SEPTIN9: variants seen among roughly 807,000 people sequenced by gnomAD.
The protein encoded by SEPTIN9 is septin 9, also known as septin-9.
A neutral mutation model predicts 56.6 loss-of-function variants in SEPTIN9; 13 were observed. The ratio of observed to expected loss-of-function variants is 0.23; its 90% CI spans 0.15 to 0.37. The LOEUF (loss-of-function observed/expected upper bound fraction) is 0.37, where lower values mean the gene tolerates loss of function less well. Among genes scored for constraint, SEPTIN9 ranks in the 10% least tolerant of loss-of-function variants. The pLI is 1.00. For synonymous variants in SEPTIN9, 332 were observed against 334.1 expected, an observed-to-expected ratio of 0.99 and a Z score of 0.07; for missense variants, 650 against 823.1, an observed-to-expected ratio of 0.79 and a Z score of 2.57.
chr17:77,322,778 C>G (rs560192558), intron 2 of SEPTIN9: 4 of 152,528 alleles, frequency 2.6e-5, no homozygotes, highest in South Asian at 4.1e-4. Context: ...AGGGGCTCTT[C>G]TTCTCTGCAG....
chr17:77,357,204 T>C (rs908789589), intron 2 of SEPTIN9, among the ~76,000 whole-genome samples: 5 of 152,066 alleles, frequency 3.3e-5, no homozygotes, highest in African/African-American at 7.3e-5. Flanking sequence ...CAAGGGGGCT[T>C]GAAGACACAT....
chr17:77,491,584 G>A (rs75712149), intron 8 of SEPTIN9, among the ~76,000 whole-genome samples: 1,633 of 151,392 alleles, frequency 0.011, 12 homozygotes, highest in South Asian at 0.035. Context: ...AGGCCGAGGC[G>A]GGCAGATCAC....
At chr17:77,413,562 C>T (rs1375077538) in intron 3 of SEPTIN9, among the ~76,000 whole-genome samples, 3 of 152,164 alleles carry the variant, frequency 2.0e-5, no homozygotes, top group Non-Finnish European at 4.4e-5. Context: ...TGGGATGCTC[C>T]ATGTTGAGGC....
At chr17:77,291,714 G>A (rs574771452) in intron 1 of SEPTIN9, among the ~76,000 whole-genome samples, 39 of 152,284 alleles carry the variant, frequency 2.6e-4, no homozygotes, top group South Asian at 8.3e-4. Context: ...CCAGCCTCAA[G>A]CGATCCTCCT....
chr17:77,387,965 C>A (rs1403759209), intron 2 of SEPTIN9, among the ~76,000 whole-genome samples: 1 of 147,704 alleles, frequency 6.8e-6, no homozygotes, highest in Non-Finnish European at 1.5e-5. Flanking sequence ...GTTTCCTGGA[C>A]TTCTCAGCAG....
At chr17:77,440,430 C>T (rs1369702496) in intron 3 of SEPTIN9, among the ~76,000 whole-genome samples, 4 of 152,240 alleles carry the variant, frequency 2.6e-5, no homozygotes, top group East Asian at 3.8e-4. Flanking sequence ...GTTGGGATTA[C>T]AGGCGTGAGC....
chr17:77,354,804 G>GTTGCACT (rs2034172422), intron 2 of SEPTIN9, among the ~76,000 whole-genome samples: 1 of 152,120 alleles, frequency 6.6e-6, no homozygotes, highest in African/African-American at 2.4e-5. Context: ...ACGCCTGCTT[G>GTTGCACT]TTGCACTTTG....
rs1277291377 is a variant in SEPTIN9, at chr17:77,484,840, T to TG, written c.913+2506dup. On this transcript the variant is annotated intron_variant, in intron 4 of 11. Transcript: ENST00000427177. ...TTGTGATGGTGGTGGCGATGGTGGTTGTGATGGTGGTGATGTGGGTGGTGG... is the reference window on the plus strand; with the variant it reads ...TTGTGATGGTGGTGGCGATGGTGGTTGGTGATGGTGGTGATGTGGGTGGTGG... 1.8e-4 allele frequency among the ~76,000 whole-genome samples: 11 copies of TG among 62,312 alleles called. 1 individual carries two copies. Among genetic ancestry groups the TG allele is most frequent in the East Asian group, 5.5e-4 (1 of 1,802 alleles). 40.9% of individuals were successfully genotyped at this position (62,312 alleles called of 152,430 possible). A position where few individuals can be genotyped will look rare whatever the true frequency, so the allele number is the denominator to read the frequency against.
chr17:77,414,118 G>T (rs12325707), intron 3 of SEPTIN9, among the ~76,000 whole-genome samples: 1 of 151,524 alleles, frequency 6.6e-6, no homozygotes, highest in Non-Finnish European at 1.5e-5. Context: ...CACTCTTGTC[G>T]CCTAGGCTGG....
chr17:77,457,399 T>C (rs2144465583), intron 3 of SEPTIN9, among the ~76,000 whole-genome samples: 1 of 152,266 alleles, frequency 6.6e-6, no homozygotes, highest in East Asian at 1.9e-4. Context: ...AGGCGCCCCA[T>C]GTCCCATCAC....
At position 77,320,162 on chromosome 17, in the gene SEPTIN9, G is replaced by T. The variant is rs1012751027; in HGVS notation, c.76+12965G>T. The T allele has an allele frequency of 2.6e-6, 4 of 1,530,308 alleles. No homozygotes were observed. In the East Asian group the frequency reaches 9.6e-5, roughly 37 times the overall value. The allele number at this position is 1,530,308 out of a possible 1,614,324, so 94.8% of individuals were successfully genotyped here. ...GAAATGTGGTAATTCGGATGCATTC[G>T]TGATTGCAACAGATTGAAGAAATTA... On this transcript the variant is annotated intron_variant, in intron 2 of 11. Coordinates refer to ENST00000427177, the MANE Select transcript of SEPTIN9 (RefSeq NM_001113491.2).
At chr17:77,465,378 A>G (rs897656588) in intron 3 of SEPTIN9, among the ~76,000 whole-genome samples, 1 of 152,212 alleles carries the variant, frequency 6.6e-6, no homozygotes, top group Admixed American at 6.5e-5. Flanking sequence ...GGTTTAGCCA[A>G]CCAGCCTTTA....
At chr17:77,496,011 T>G (rs2040241513) in intron 10 of SEPTIN9, among the ~76,000 whole-genome samples, 1 of 151,910 alleles carries the variant, frequency 6.6e-6, no homozygotes, top group South Asian at 2.1e-4. Context: ...CTCATTTTCT[T>G]TTCTTTTCTT....
chr17:77,483,817 G>A (rs973812896), intron 4 of SEPTIN9: 8 of 152,332 alleles, frequency 5.3e-5, no homozygotes, highest in Non-Finnish European at 1.0e-4. Context: ...GAGAAGAACA[G>A]TGGTCCTGAT....
At chr17:77,404,614 G>A (rs2036002522) in intron 3 of SEPTIN9, among the ~76,000 whole-genome samples, 1 of 152,120 alleles carries the variant, frequency 6.6e-6, no homozygotes, top group Non-Finnish European at 1.5e-5. Context: ...AGGATGTGGG[G>A]CCTGGAGAGG....
In SEPTIN9 at chr17:77,456,327, C is replaced by T. The variant is rs997475746; in HGVS notation, c.722-25817C>T. On this transcript the variant is annotated intron_variant, in intron 3 of 11. Coordinates refer to ENST00000427177, the MANE Select transcript of SEPTIN9 (RefSeq NM_001113491.2). The surrounding 1 kb of genome is among the most constrained non-coding windows in gnomAD (Gnocchi z 6.0). ...GAGGAGCAGGTGTGGTGTGCGTCCT[C>T]CTGCGGGTTCTCCACCTCTTGGCTT... 6.6e-6 allele frequency: 1 copy of T among 152,262 alleles called. No individual in the cohort carries two copies. Among genetic ancestry groups the T allele is most frequent in the African/African-American group, 2.4e-5 (1 of 41,416 alleles). 9.4% of individuals were successfully genotyped at this position (152,262 alleles called of 1,614,324 possible). A position where few individuals can be genotyped will look rare whatever the true frequency, so the allele number is the denominator to read the frequency against.
At chr17:77,470,747 T>C (rs2038962227) in intron 3 of SEPTIN9, 1 of 152,280 alleles carries the variant, frequency 6.6e-6, no homozygotes, top group African/African-American at 2.4e-5. Flanking sequence ...TCCCCATCCT[T>C]ACTTCAGAAA....
chr17:77,484,985 A>G (rs2039669944), intron 4 of SEPTIN9, among the ~76,000 whole-genome samples: 1 of 41,182 alleles, frequency 2.4e-5, no homozygotes, highest in Non-Finnish European at 4.2e-5. Context: ...GATGGTGGTG[A>G]TTGTGATGGT....
In SEPTIN9 at chr17:77,429,044, C is replaced by T. The variant is rs779958671; in HGVS notation, c.721+26341C>T. ...ATGGGAGCATCTCAGCAGCCCTCCG[C>T]CCCCTGCTCCTGGTTGCAGATGTAC... On this transcript the variant is annotated intron_variant, in intron 3 of 11. Transcript: ENST00000427177. The surrounding 1 kb of genome is among the most constrained non-coding windows in gnomAD (Gnocchi z 5.2). 3.4e-5 allele frequency: 16 copies of T among 471,432 alleles called. No individual in the cohort carries two copies. The highest frequency in any genetic ancestry group is 1.2e-4 in the South Asian group (8 of 64,576). The allele number at this position is 471,432 out of a possible 1,614,324, so 29.2% of individuals were successfully genotyped here.
Sources: gnomAD v4.1 joint callset for allele counts (sites outside exome capture counted in the v4.1 genomes callset) on GRCh38, gnomAD v4.1.1 for gene constraint, Gnocchi (gnomAD v3.1) non-coding constraint, MANE v1.5 for transcripts, NCBI Gene and HGNC (gene_info 2026-07-23, HGNC 2026-07-21) for gene names.